Variants in TRHDE observed in about 807,000 individuals in gnomAD.
The protein encoded by TRHDE is thyrotropin releasing hormone degrading enzyme.
In TRHDE, 72 loss-of-function variants were observed where a neutral mutation model predicts 125.7. The ratio of observed to expected loss-of-function variants is 0.57; its 90% CI spans 0.47 to 0.70. The LOEUF (loss-of-function observed/expected upper bound fraction) is 0.70, where lower values mean the gene tolerates loss of function less well. Ranked by LOEUF, TRHDE falls within the 30% of genes least tolerant of loss-of-function variation. The probability of loss-of-function intolerance (pLI) is 0.00; values close to 1 mark genes in which losing one functional copy is unlikely to be tolerated. For synonymous variants in TRHDE, 509 were observed against 509.1 expected, an observed-to-expected ratio of 1.00 and a Z score of 0.00; for missense variants, 1,110 against 1,327.1, an observed-to-expected ratio of 0.84 and a Z score of 2.54.
chr12:72,422,044 A>G (rs1311995909), intron 3 of TRHDE, among the ~76,000 whole-genome samples: 1 of 152,170 alleles, frequency 6.6e-6, no homozygotes, highest in East Asian at 1.9e-4. Flanking sequence ...TCTTTTTCAT[A>G]GCTACAATGA....
At position 72,370,953 on chromosome 12, in the gene TRHDE, T is replaced by C. The variant is rs982213242; in HGVS notation, c.1189-7042T>C. On this transcript the variant is annotated intron_variant, in intron 2 of 18. Coordinates refer to ENST00000261180, the MANE Select transcript of TRHDE (RefSeq NM_013381.3). ...AGATGGGGTTTCGCCATGTTGGCCA[T>C]GCGGGTCTCGAAATCCTGACCTCAG... Among the ~76,000 whole-genome samples, 8 of 152,144 alleles carry C rather than the reference T, an allele frequency of 5.3e-5. No individual in the cohort carries two copies. The South Asian group carries it at 8.3e-4, about 16-fold the overall frequency.
At chr12:72,639,616 TC>T (rs1322693186) in intron 15 of TRHDE, among the ~76,000 whole-genome samples, 1 of 151,990 alleles carries the variant, frequency 6.6e-6, no homozygotes, top group South Asian at 2.1e-4. Flanking sequence ...CTCTGTTTTT[TC>T]CCCATCTTTG....
chr12:72,515,554 G>T (rs967365170), intron 6 of TRHDE, among the ~76,000 whole-genome samples: 1 of 152,146 alleles, frequency 6.6e-6, no homozygotes, highest in Non-Finnish European at 1.5e-5. Flanking sequence ...TTTGTCAGAT[G>T]AGTAGGTTGC....
chr12:72,528,061 T>G (rs1024777338), intron 6 of TRHDE, among the ~76,000 whole-genome samples: 16 of 152,158 alleles, frequency 1.1e-4, no homozygotes, highest in Admixed American at 2.0e-4. Context: ...CTTAAGTTGC[T>G]ACCATTCAGC....
intron 2 of TRHDE, among the ~76,000 whole-genome samples, chr12:72,185,178 T>G (rs912033208): frequency 6.6e-6 from 1 of 152,226 alleles, no homozygotes; most frequent in Non-Finnish European, 1.5e-5. Flanking sequence ...AATGAGGGAC[T>G]TAGCACCCGG....
At chr12:72,150,852 T>C (rs1361528824) in intron 2 of TRHDE, among the ~76,000 whole-genome samples, 1 of 152,144 alleles carries the variant, frequency 6.6e-6, no homozygotes, top group African/African-American at 2.4e-5. Flanking sequence ...AGTGCCGCAA[T>C]AAACATACAC....
At chr12:72,362,312 A>G (rs1030642432) in intron 2 of TRHDE, among the ~76,000 whole-genome samples, 8 of 150,378 alleles carry the variant, frequency 5.3e-5, no homozygotes, top group African/African-American at 1.7e-4. Flanking sequence ...TCTGATGGCC[A>G]GTGATGGTGA....
intron 5 of TRHDE, among the ~76,000 whole-genome samples, chr12:72,482,608 T>C (rs772957089): frequency 2.0e-5 from 3 of 152,010 alleles, no homozygotes; most frequent in Non-Finnish European, 4.4e-5. Context: ...CAGCTTTGCT[T>C]GCAAGATAGG....
chr12:72,093,169 A>AGGTCCTCCT (rs1307463171), intron 1 of TRHDE, among the ~76,000 whole-genome samples: 2 of 152,224 alleles, frequency 1.3e-5, no homozygotes, highest in Non-Finnish European at 2.9e-5. Flanking sequence ...CTGGTCTGGA[A>AGGTCCTCCT]GGTTTCTGCT....
chr12:72,319,833 T>G (rs966573276), intron 2 of TRHDE, among the ~76,000 whole-genome samples: 4 of 152,092 alleles, frequency 2.6e-5, no homozygotes, highest in Admixed American at 1.3e-4. Context: ...GGGAAAAAAA[T>G]GTTTCCTAGA....
intron 10 of TRHDE, among the ~76,000 whole-genome samples, chr12:72,573,407 A>G (rs1030359024): frequency 1.3e-5 from 2 of 151,944 alleles, no homozygotes; most frequent in African/African-American, 4.8e-5. Flanking sequence ...AATCATTTGC[A>G]TTTTAGAAAA....
At chr12:72,164,482 A>T (rs1368809206) in intron 2 of TRHDE, among the ~76,000 whole-genome samples, 1 of 152,202 alleles carries the variant, frequency 6.6e-6, no homozygotes, top group African/African-American at 2.4e-5. Context: ...CATGCAGGGG[A>T]GAGAGTCCAG....
intron 3 of TRHDE, among the ~76,000 whole-genome samples, chr12:72,459,612 A>G (rs1301772999): frequency 6.6e-6 from 1 of 152,066 alleles, no homozygotes; most frequent in African/African-American, 2.4e-5. Context: ...AGTAGTAGCT[A>G]GAGTATAAGC....
intron 12 of TRHDE, among the ~76,000 whole-genome samples, chr12:72,576,295 G>A (rs540481313): frequency 5.8e-4 from 89 of 152,140 alleles, no homozygotes; most frequent in African/African-American, 2.0e-3. Flanking sequence ...TGGTTATCAT[G>A]ATTTACCACA....
intron 2 of TRHDE, among the ~76,000 whole-genome samples, chr12:72,345,766 G>A (rs1190939185): frequency 6.6e-6 from 1 of 152,048 alleles, no homozygotes; most frequent in African/African-American, 2.4e-5. Flanking sequence ...CCCTTGGGGA[G>A]ACAGACAGCT....
At chr12:72,593,663 C>A (rs1294828958) in intron 12 of TRHDE, among the ~76,000 whole-genome samples, 1 of 152,116 alleles carries the variant, frequency 6.6e-6, no homozygotes, top group East Asian at 1.9e-4. Context: ...TATCCCTCCC[C>A]CCTCCTCCCA....
At chr12:72,631,986 TA>T (rs1311242242) in intron 15 of TRHDE, among the ~76,000 whole-genome samples, 1 of 151,952 alleles carries the variant, frequency 6.6e-6, no homozygotes, top group Admixed American at 6.6e-5. Context: ...ATGGATAAGA[TA>T]AATCTGTGTA....
chr12:72,516,990 A>G (rs1280403955), intron 6 of TRHDE, among the ~76,000 whole-genome samples: 2 of 152,094 alleles, frequency 1.3e-5, no homozygotes, highest in Non-Finnish European at 2.9e-5. Flanking sequence ...CCCAGGGATG[A>G]AGCCCACTTG....
chr12:72,573,803 A>T (rs1870860430), intron 10 of TRHDE, among the ~76,000 whole-genome samples: 2 of 151,954 alleles, frequency 1.3e-5, no homozygotes, highest in African/African-American at 2.4e-5. Context: ...GCATAGTAAA[A>T]ATTTGGACAC....
Sources: allele counts gnomAD v4.1 joint callset (sites outside exome capture counted in the v4.1 genomes callset), GRCh38; gene constraint gnomAD v4.1.1; transcripts MANE v1.5; gene names NCBI Gene and HGNC (gene_info 2026-07-23, HGNC 2026-07-21).